Variants in TMTC2 observed in about 807,000 individuals in gnomAD.
TMTC2 encodes protein O-mannosyl-transferase TMTC2.
A neutral mutation model predicts 82.4 loss-of-function variants in TMTC2; 43 were observed. The observed-to-expected ratio is 0.52, with a 90% CI of 0.41 to 0.67. The LOEUF (loss-of-function observed/expected upper bound fraction) is 0.67, where lower values mean the gene tolerates loss of function less well. Among genes scored for constraint, TMTC2 ranks in the 30% least tolerant of loss-of-function variants. The probability of loss-of-function intolerance (pLI) is 0.00; values close to 1 mark genes in which losing one functional copy is unlikely to be tolerated. For synonymous variants in TMTC2, 408 were observed against 381.9 expected, an observed-to-expected ratio of 1.07 and a Z score of -0.80; for missense variants, 919 against 1,012.4, an observed-to-expected ratio of 0.91 and a Z score of 1.25.
intron 4 of TMTC2, among the ~76,000 whole-genome samples, chr12:82,934,278 G>A (rs1050722658): frequency 2.0e-5 from 3 of 151,970 alleles, no homozygotes; most frequent in South Asian, 2.1e-4. Context: ...TGTGCAAAAC[G>A]TGCAGGTTTG....
At chr12:82,757,758 A>C (rs1876417164) in intron 1 of TMTC2, among the ~76,000 whole-genome samples, 1 of 152,242 alleles carries the variant, frequency 6.6e-6, no homozygotes, top group Non-Finnish European at 1.5e-5. Context: ...AATGCATTGC[A>C]AAATGCACAG....
At position 82,907,387 on chromosome 12, in the gene TMTC2, G is replaced by A. The variant is rs7309938; in HGVS notation, c.1483+10741G>A. Among the ~76,000 whole-genome samples, 886 of 151,776 alleles carry A rather than the reference G, an allele frequency of 5.8e-3. 5 individuals carry two copies. Among genetic ancestry groups the A allele is most frequent in the African/African-American group, 0.02 (847 of 41,382 alleles). On this transcript the variant is annotated intron_variant, in intron 3 of 11. Transcript: ENST00000321196. ...CTCAGGCAGGATAATTGCCTGAGCCGGGCAGGTGGAGGTTGCAGTTAGTTG... is the reference window on the plus strand; with the variant it reads ...CTCAGGCAGGATAATTGCCTGAGCCAGGCAGGTGGAGGTTGCAGTTAGTTG...
chr12:83,030,965 T>C, intron 9 of TMTC2, 86 bp downstream of exon 9: 2 of 1,001,830 alleles, frequency 2.0e-6, no homozygotes, highest in Non-Finnish European at 3.1e-6. Flanking sequence ...GCAAAGAACA[T>C]TTTAAGAGGA....
At chr12:83,097,721 A>G (rs1884079460) in intron 11 of TMTC2, among the ~76,000 whole-genome samples, 1 of 152,258 alleles carries the variant, frequency 6.6e-6, no homozygotes, top group Non-Finnish European at 1.5e-5. Context: ...ATACTTTACA[A>G]TGTATAATCA....
chr12:82,896,717 C>A, intron 3 of TMTC2, 71 bp downstream of exon 3: 2 of 1,248,094 alleles, frequency 1.6e-6, no homozygotes, highest in Admixed American at 2.5e-5. Flanking sequence ...TGCTTCTTGT[C>A]TTAAAACACA....
At chr12:82,771,650 A>G (rs1421367791) in intron 1 of TMTC2, among the ~76,000 whole-genome samples, 1 of 152,192 alleles carries the variant, frequency 6.6e-6, no homozygotes, top group Non-Finnish European at 1.5e-5. Flanking sequence ...TGTAATGTAA[A>G]TTATATTGAT....
intron 1 of TMTC2, among the ~76,000 whole-genome samples, chr12:82,693,698 G>A (rs530129103): frequency 6.6e-6 from 1 of 151,680 alleles, no homozygotes; most frequent in Non-Finnish European, 1.5e-5. Flanking sequence ...GGCCGGGCGC[G>A]GTGGCTCACG....
chr12:82,899,708 G>C (rs925589828), intron 3 of TMTC2, among the ~76,000 whole-genome samples: 17 of 140,470 alleles, frequency 1.2e-4, no homozygotes, highest in Non-Finnish European at 2.4e-4. Context: ...ATATATATAT[G>C]TGGAATATAT....
intron 1 of TMTC2, among the ~76,000 whole-genome samples, chr12:82,828,375 G>T (rs932228465): frequency 2.0e-5 from 3 of 151,740 alleles, no homozygotes; most frequent in African/African-American, 7.3e-5. Flanking sequence ...CACCATTCCC[G>T]GCTATGTAGA....
chr12:82,757,329 T>C (rs547127762), intron 1 of TMTC2, among the ~76,000 whole-genome samples: 3 of 152,356 alleles, frequency 2.0e-5, no homozygotes, highest in Admixed American at 1.3e-4. Flanking sequence ...TTGTTTTCTT[T>C]TGCAATTTGC....
At chr12:82,827,718 A>C (rs1869497119) in intron 1 of TMTC2, among the ~76,000 whole-genome samples, 1 of 142,170 alleles carries the variant, frequency 7.0e-6, no homozygotes, top group Admixed American at 7.2e-5. Flanking sequence ...TTTCTTTCTC[A>C]GGAGCTCTGT....
At chr12:83,073,852 T>G (rs954143969) in intron 11 of TMTC2, among the ~76,000 whole-genome samples, 6 of 152,174 alleles carry the variant, frequency 3.9e-5, no homozygotes, top group Non-Finnish European at 8.8e-5. Flanking sequence ...TCTGCTGTTC[T>G]GTTTCCTTGA....
At position 83,004,722 on chromosome 12, in the gene TMTC2, ATTTTTTTTTTTTTTTTTTTTTTTT is replaced by A. The variant is rs528076999; in HGVS notation, c.2070+18698_2070+18721del. On this transcript the variant is annotated intron_variant, in intron 8 of 11. Transcript: ENST00000321196. The stretch of plus-strand genomic sequence containing the variant: ...TTCACAGGCAGTGTATACTGGCCGA[ATTTTTTTTTTTTTTTTTTTTTTTT>A]TTTTTTTTTTTTTTTTTTTTTGAGT... Among the ~76,000 whole-genome samples, 241 of 36,038 alleles carry A rather than the reference ATTTTTTTTTTTTTTTTTTTTTTTT, an allele frequency of 6.7e-3. 3 individuals are homozygous for A. The highest frequency in any genetic ancestry group is 0.02 in the African/African-American group (221 of 10,854). The allele number at this position is 36,038 out of a possible 152,430, so 23.6% of individuals were successfully genotyped here.
At chr12:83,049,839 T>C (rs1882283098) in intron 9 of TMTC2, among the ~76,000 whole-genome samples, 1 of 152,204 alleles carries the variant, frequency 6.6e-6, no homozygotes, top group Admixed American at 6.5e-5. Flanking sequence ...TTTTTGACTT[T>C]TTAATAATAG....
At chr12:83,098,498 A>G (rs1217761289) in intron 11 of TMTC2, among the ~76,000 whole-genome samples, 1 of 152,218 alleles carries the variant, frequency 6.6e-6, no homozygotes, top group Admixed American at 6.5e-5. Context: ...CAGTCCTTCA[A>G]ATCTATTCTT....
chr12:83,132,558 C>A lies in TMTC2; in HGVS notation c.*169C>A. 1 of 692,626 alleles carries A rather than the reference C, an allele frequency of 1.4e-6. No homozygotes were observed. Among genetic ancestry groups the A allele is most frequent in the Non-Finnish European group, 2.3e-6 (1 of 439,642 alleles). 42.9% of individuals were successfully genotyped at this position (692,626 alleles called of 1,614,324 possible). On this transcript the variant is annotated 3_prime_UTR_variant, in exon 12 of 12. Coordinates refer to ENST00000321196, the MANE Select transcript of TMTC2 (RefSeq NM_152588.3). ...AGAATCCACTTTGCTGTAGGCACAG[C>A]TGTTAACACCAAAAAGGGGAAAGCC...
intron 8 of TMTC2, among the ~76,000 whole-genome samples, chr12:82,995,495 G>A (rs1879579921): frequency 6.6e-6 from 1 of 152,096 alleles, no homozygotes; most frequent in Admixed American, 6.5e-5. Flanking sequence ...GTTTACCTAT[G>A]TTACATTTGA....
chr12:83,129,522 A>C (rs552204770), intron 11 of TMTC2, among the ~76,000 whole-genome samples: 1 of 152,330 alleles, frequency 6.6e-6, no homozygotes, highest in South Asian at 2.1e-4. Context: ...TGAAGGACAA[A>C]GAAGCCTCAG....
chr12:82,797,727 C>CA (rs1878789017), intron 1 of TMTC2, among the ~76,000 whole-genome samples: 1 of 151,928 alleles, frequency 6.6e-6, no homozygotes, highest in African/African-American at 2.4e-5. Context: ...CTCATATATT[C>CA]AGTGCATGTT....
Sources: allele counts gnomAD v4.1 joint callset (sites outside exome capture counted in the v4.1 genomes callset), GRCh38; gene constraint gnomAD v4.1.1; transcripts MANE v1.5; gene names NCBI Gene and HGNC (gene_info 2026-07-23, HGNC 2026-07-21).